Variants in DGKD observed in about 807,000 individuals in gnomAD.
DGKD encodes DAG kinase delta.
DGKD carries 68 observed loss-of-function variants against 154.4 expected under a neutral mutation model. The ratio of observed to expected loss-of-function variants is 0.44; its 90% CI spans 0.36 to 0.54. The LOEUF is 0.54. Ranked by LOEUF, DGKD falls within the 20% of genes least tolerant of loss-of-function variation. The pLI, the probability that DGKD is intolerant of heterozygous loss-of-function variation, is 0.00. For missense variants in DGKD, 1,343 were observed against 1,593.6 expected (o/e 0.84, Z 2.68); for synonymous variants, 693 against 638.0 (o/e 1.09, Z -1.30).
chr2:233,413,247 T>C (rs2061872335), intron 3 of DGKD, among the ~76,000 whole-genome samples: 1 of 152,102 alleles, frequency 6.6e-6, no homozygotes, highest in South Asian at 2.1e-4. Flanking sequence ...AAAATACATA[T>C]ATATGTAGTG....
In DGKD at chr2:233,409,462, T is replaced by G. The variant is rs533784509; in HGVS notation, c.348+18979T>G. Reference sequence around the variant, plus strand: ...TTTTAGCCATCTTTACTCAGTATGCTTTTAAATGTGTCACGGTGTGATTGA... The same window carrying G: ...TTTTAGCCATCTTTACTCAGTATGCGTTTAAATGTGTCACGGTGTGATTGA... On this transcript the variant is annotated intron_variant, in intron 3 of 29. Coordinates refer to ENST00000264057, the MANE Select transcript of DGKD (RefSeq NM_152879.3). Among the ~76,000 whole-genome samples the G allele has an allele frequency of 8.7e-4, 133 of 152,100 alleles. 1 individual carries two copies. The highest frequency in any genetic ancestry group is 1.6e-3 in the Non-Finnish European group (109 of 68,008).
intron 29 of DGKD, among the ~76,000 whole-genome samples, chr2:233,469,122 C>A (rs574702903): frequency 6.6e-6 from 1 of 152,276 alleles, no homozygotes; most frequent in South Asian, 2.1e-4. Context: ...TGCTTTTAGG[C>A]CTGTGTTTTG....
rs566746541 is a variant in DGKD at position 233,452,668 on chromosome 2, C to T, written c.2264+608C>T. ...TGGGGGACAAGGCCTTCTTCCTCTG[C>T]TGGCCTGTAAGGCAGTGAGGACATG... On this transcript the variant is annotated intron_variant, in intron 18 of 29. Coordinates refer to ENST00000264057, the MANE Select transcript of DGKD (RefSeq NM_152879.3). This position sits in a 1 kb window ranked among gnomAD's most constrained non-coding sequence, Gnocchi z 4.0. Among the ~76,000 whole-genome samples the T allele has an allele frequency of 1.8e-4, 28 of 152,354 alleles. No homozygotes were observed. The highest frequency in any genetic ancestry group is 6.5e-4 in the African/African-American group (27 of 41,582).
At chr2:233,450,799 A>G (rs1156914955) in intron 16 of DGKD, 123 bp from the exon 17 acceptor site, 8 of 1,260,726 alleles carry the variant, frequency 6.3e-6, no homozygotes, top group Non-Finnish European at 8.9e-6. Flanking sequence ...ACTTCACGCA[A>G]CTGCCTGTGG....
chr2:233,398,934 C>T (rs1008284798), intron 3 of DGKD, among the ~76,000 whole-genome samples: 1 of 152,160 alleles, frequency 6.6e-6, no homozygotes, highest in Admixed American at 6.5e-5. Context: ...TTATCATCTT[C>T]CCTTAGCAGC....
chr2:233,400,090 A>G (rs1372294483), intron 3 of DGKD, among the ~76,000 whole-genome samples: 1 of 152,104 alleles, frequency 6.6e-6, no homozygotes, highest in East Asian at 1.9e-4. Context: ...CCTCACTGAG[A>G]GTGTTTTGGT....
At chr2:233,453,624 A>C (rs1406280101) in intron 18 of DGKD, among the ~76,000 whole-genome samples, 20 of 152,172 alleles carry the variant, frequency 1.3e-4, no homozygotes, top group Admixed American at 1.3e-3. Context: ...CCACCCATTG[A>C]GTTTCTTTGG....
Position 233,436,418 on chromosome 2 carries a change from C to T in DGKD, c.796C>T (p.Arg266Cys), listed in dbSNP as rs954861746. The change falls in exon 7 of 30, where the codon CGC becomes TGC. Residue 266 changes from arginine to cysteine, a missense_variant. Transcript: ENST00000264057. ...CAGTGTGCTGCGCCTGCAGGACTGG[C>T]GCTGCCTCTGGTGCAAGGCCATGGT... ...CGSVLRLQDWRCLWCKAMVHT... is the reference protein window; with the variant it reads ...CGSVLRLQDWCCLWCKAMVHT... 6.2e-6 allele frequency: 10 copies of T among 1,613,578 alleles called. No individual in the cohort carries two copies. The highest frequency in any genetic ancestry group is 2.2e-5 in the East Asian group (1 of 44,884).
At chr2:233,417,327 C>T (rs1450785099) in intron 3 of DGKD, among the ~76,000 whole-genome samples, 1 of 152,236 alleles carries the variant, frequency 6.6e-6, no homozygotes, top group Non-Finnish European at 1.5e-5. Context: ...GCCCCTGCGC[C>T]TAGCCCCCCT....
In DGKD at chr2:233,440,957, G is replaced by A. The variant is rs2062866308; in HGVS notation, c.1086-930G>A. On this transcript the variant is annotated intron_variant, in intron 9 of 29. Coordinates refer to ENST00000264057, the MANE Select transcript of DGKD (RefSeq NM_152879.3). This position sits in a 1 kb window ranked among gnomAD's most constrained non-coding sequence, Gnocchi z 4.9. ...TCGGCTGCAGGCTGAGAGGAGGTGG[G>A]TCTGGCCTCTGGACTGGGTTGGTGG... 6.6e-6 allele frequency among the ~76,000 whole-genome samples: 1 copy of A among 152,192 alleles called. No homozygotes were observed. The highest frequency in any genetic ancestry group is 1.5e-5 in the Non-Finnish European group (1 of 68,034).
intron 1 of DGKD, among the ~76,000 whole-genome samples, chr2:233,357,456 C>T (rs570122633): frequency 6.6e-6 from 1 of 152,122 alleles, no homozygotes; most frequent in East Asian, 1.9e-4. Context: ...CCTAGGGATC[C>T]TGTTAAAATG....
intron 3 of DGKD, among the ~76,000 whole-genome samples, chr2:233,410,994 T>A (rs2125514011): frequency 6.6e-6 from 1 of 152,292 alleles, no homozygotes; most frequent in Admixed American, 6.5e-5. Context: ...CTTTTTTTTT[T>A]AATGTCTGGC....
At chr2:233,364,828 G>T (rs1701947202) in intron 1 of DGKD, among the ~76,000 whole-genome samples, 1 of 152,168 alleles carries the variant, frequency 6.6e-6, no homozygotes, top group Admixed American at 6.5e-5. Context: ...TACAGAGATT[G>T]TGAGATGGGA....
chr2:233,419,380 C>T (rs976827845), intron 3 of DGKD: 16 of 985,430 alleles, frequency 1.6e-5, no homozygotes, highest in East Asian at 1.1e-4. Context: ...TTTTGATACA[C>T]GTGGAGCAGC....
chr2:233,467,664 T>C (rs2063866308), intron 28 of DGKD, among the ~76,000 whole-genome samples: 1 of 152,240 alleles, frequency 6.6e-6, no homozygotes, highest in South Asian at 2.1e-4. Context: ...AATATGGTCC[T>C]GAAGGACATT....
intron 1 of DGKD, among the ~76,000 whole-genome samples, chr2:233,380,666 G>A (rs1702846741): frequency 6.6e-6 from 1 of 152,072 alleles, no homozygotes; most frequent in Non-Finnish European, 1.5e-5. Context: ...GTGAGGATGT[G>A]TGTGTGTGTG....
rs780707765 is a variant in DGKD at position 233,469,812 on chromosome 2, C to G, written c.*352C>G. The G allele has an allele frequency of 4.0e-6, 1 of 249,128 alleles. No homozygotes were observed. 15.4% of individuals were successfully genotyped at this position (249,128 alleles called of 1,614,324 possible). A position where few individuals can be genotyped will look rare whatever the true frequency, so the allele number is the denominator to read the frequency against. On this transcript the variant is annotated 3_prime_UTR_variant, in exon 30 of 30. Coordinates refer to ENST00000264057, the MANE Select transcript of DGKD (RefSeq NM_152879.3). Reference sequence around the variant, plus strand: ...CTCCTGGGCACTGCTTGCCTGGCCTCGTGCTTGGATTGTCCCGGGGGCTCC... The same window carrying G: ...CTCCTGGGCACTGCTTGCCTGGCCTGGTGCTTGGATTGTCCCGGGGGCTCC...
In DGKD at chr2:233,458,216, T is replaced by G; in HGVS notation, c.2581-68T>G. Reference sequence around the variant, plus strand: ...GGGGCTGACCCCCAGAGGGAGGGAGTGAGGGTAGGGGCGGCCTGTGCTCGG... The same window carrying G: ...GGGGCTGACCCCCAGAGGGAGGGAGGGAGGGTAGGGGCGGCCTGTGCTCGG... On this transcript the variant is annotated intron_variant, in intron 21 of 29. Coordinates refer to ENST00000264057, the MANE Select transcript of DGKD (RefSeq NM_152879.3). The surrounding 1 kb of genome is among the most constrained non-coding windows in gnomAD (Gnocchi z 6.6). 3.0e-6 allele frequency: 3 copies of G among 999,980 alleles called. No individual in the cohort carries two copies. Among genetic ancestry groups the G allele is most frequent in the Non-Finnish European group, 4.6e-6 (3 of 654,206 alleles). 61.9% of individuals were successfully genotyped at this position (999,980 alleles called of 1,614,324 possible).
chr2:233,438,203 G>T lies in DGKD; in HGVS notation c.923-14G>T. 6.2e-7 allele frequency: 1 copy of T among 1,612,608 alleles called. No homozygotes were observed. The highest frequency in any genetic ancestry group is 8.5e-7 in the Non-Finnish European group (1 of 1,179,182). ...GTGGCCTATATATTTTCTTCTGTTC[G>T]TTCTTGCGTCCAGGGTTCTGGAAGG... On this transcript the variant is annotated splice_polypyrimidine_tract_variant and intron_variant, in intron 8 of 29. Transcript: ENST00000264057. This position sits in a 1 kb window ranked among gnomAD's most constrained non-coding sequence, Gnocchi z 4.1.
Sources: gnomAD v4.1 joint callset for allele counts (sites outside exome capture counted in the v4.1 genomes callset) on GRCh38, gnomAD v4.1.1 for gene constraint, Gnocchi (gnomAD v3.1) non-coding constraint, MANE v1.5 for transcripts, NCBI Gene and HGNC (gene_info 2026-07-23, HGNC 2026-07-21) for gene names.